KAT2B: variants seen among roughly 807,000 people sequenced by gnomAD.
The protein encoded by KAT2B is histone acetyltransferase KAT2B.
A neutral mutation model predicts 105.9 loss-of-function variants in KAT2B; 36 were observed. The observed-to-expected ratio is 0.34, with a 90% CI of 0.26 to 0.45. The LOEUF (loss-of-function observed/expected upper bound fraction) is 0.45, where lower values mean the gene tolerates loss of function less well. KAT2B is among the 20% of genes least tolerant of loss of function. KAT2B has a pLI of 1.00. For synonymous variants in KAT2B, 397 were observed against 377.9 expected (o/e 1.05, Z -0.59); for missense variants, 820 against 1,021.6 (o/e 0.80, Z 2.69).
intron 10 of KAT2B, among the ~76,000 whole-genome samples, chr3:20,126,821 CAA>C (rs754659716): frequency 7.0e-5 from 6 of 85,848 alleles, no homozygotes; most frequent in African/African-American, 8.5e-5. Context: ...AACTCCATTT[CAA>C]AAAAAAAAAA....
At chr3:20,104,321 T>C in intron 5 of KAT2B, among the ~76,000 whole-genome samples, 1 of 151,920 alleles carries the variant, frequency 6.6e-6, no homozygotes, top group Admixed American at 6.6e-5. Context: ...ATAGCCCCTA[T>C]TAATAATAAA....
At chr3:20,087,971 G>A (rs1159243673) in intron 2 of KAT2B, among the ~76,000 whole-genome samples, 1 of 151,990 alleles carries the variant, frequency 6.6e-6, no homozygotes, top group Non-Finnish European at 1.5e-5. Context: ...TGTAGAGACA[G>A]GGTCTTGCCA....
chr3:20,087,059 C>T (rs1041305563), intron 2 of KAT2B, among the ~76,000 whole-genome samples: 7 of 152,140 alleles, frequency 4.6e-5, no homozygotes, highest in Admixed American at 6.5e-5. Flanking sequence ...AGATAACAGG[C>T]GTGAGCCACT....
Position 20,040,557 on chromosome 3 carries a change from C to G in KAT2B, c.80C>G (p.Pro27Arg), listed in dbSNP as rs1227332251. Residue 27 changes from proline (P) to arginine (R), a missense_variant, in exon 1 of 18, where the codon CCG (proline) becomes CGG (arginine). Transcript: ENST00000263754. ...GAGAGPGALP[P>R]QPAALPPAPP... ...GGGGCCGGGCCCGGGGCGCTGCCCCCGCAGCCTGCGGCGCTTCCGCCCGCG... is the reference window on the plus strand; with the variant it reads ...GGGGCCGGGCCCGGGGCGCTGCCCCGGCAGCCTGCGGCGCTTCCGCCCGCG... 1.2e-3 allele frequency: 1,290 copies of G among 1,063,948 alleles called. 1 individual carries two copies. The highest frequency in any genetic ancestry group is 1.4e-3 in the Non-Finnish European group (1,220 of 882,120). The allele number at this position is 1,063,948 out of a possible 1,614,324, so 65.9% of individuals were successfully genotyped here. A position where few individuals can be genotyped will look rare whatever the true frequency, so the allele number is the denominator to read the frequency against.
chr3:20,050,655 G>A (rs1697899878), intron 1 of KAT2B, among the ~76,000 whole-genome samples: 1 of 151,766 alleles, frequency 6.6e-6, no homozygotes, highest in African/African-American at 2.4e-5. Context: ...AACATTGCCA[G>A]CAATTTTCAG....
intron 13 of KAT2B, among the ~76,000 whole-genome samples, chr3:20,142,990 A>T (rs755066402): frequency 9.9e-5 from 15 of 151,396 alleles, no homozygotes; most frequent in South Asian, 2.1e-4. Flanking sequence ...TCTACATGTG[A>T]CAATACAAGG....
chr3:20,078,938 G>A (rs1224555164), intron 2 of KAT2B, among the ~76,000 whole-genome samples: 8 of 148,624 alleles, frequency 5.4e-5, no homozygotes, highest in Non-Finnish European at 1.0e-4. Context: ...GCAGTGGCGC[G>A]ATCTCCACGA....
chr3:20,093,513 A>G (rs1698759224), intron 2 of KAT2B, among the ~76,000 whole-genome samples: 1 of 152,114 alleles, frequency 6.6e-6, no homozygotes, highest in Non-Finnish European at 1.5e-5. Context: ...GGGGGGATAT[A>G]TAGGTGGATA....
At chr3:20,144,827 G>C (rs1211064206) in intron 13 of KAT2B, among the ~76,000 whole-genome samples, 4 of 148,048 alleles carry the variant, frequency 2.7e-5, no homozygotes, top group Admixed American at 6.8e-5. Flanking sequence ...AGGAAGTCTC[G>C]CTCTGTCACC....
At chr3:20,086,754 G>A (rs1373435115) in intron 2 of KAT2B, among the ~76,000 whole-genome samples, 1 of 151,652 alleles carries the variant, frequency 6.6e-6, no homozygotes, top group East Asian at 1.9e-4. Context: ...CCTTTAAACT[G>A]TCTTCCTCTA....
rs193025624 is a variant in KAT2B, at chr3:20,054,138, T to G, written c.303+13358T>G. On this transcript the variant is annotated intron_variant, in intron 1 of 17. Transcript: ENST00000263754. ...TTTGTTTTTGTTTTTTGTTTTTTTG[T>G]TTTTTTTTTGAGACGGTGTCTCGCT... is the stretch of plus-strand genomic sequence containing the variant. 2.6e-3 allele frequency among the ~76,000 whole-genome samples: 382 copies of G among 147,466 alleles called. 2 individuals carry two copies. The highest frequency in any genetic ancestry group is 9.0e-3 in the African/African-American group (355 of 39,398).
At chr3:20,109,713 T>G (rs1446887505) in intron 5 of KAT2B, among the ~76,000 whole-genome samples, 2 of 152,166 alleles carry the variant, frequency 1.3e-5, no homozygotes, top group South Asian at 2.1e-4. Flanking sequence ...ATGAAGCACC[T>G]TATGAATTAC....
chr3:20,146,671 A>C, intron 14 of KAT2B: 1 of 192,486 alleles, frequency 5.2e-6, no homozygotes. Context: ...CCACCACTTA[A>C]TGAGTCTGCC....
intron 8 of KAT2B, among the ~76,000 whole-genome samples, chr3:20,120,213 C>CTT (rs10709834): frequency 1.4e-5 from 2 of 148,088 alleles, no homozygotes; most frequent in Admixed American, 1.4e-4. Flanking sequence ...CTGCCACATT[C>CTT]TTTTTTTTTT....
chr3:20,051,369 C>A (rs1013160792), intron 1 of KAT2B, among the ~76,000 whole-genome samples: 2 of 152,156 alleles, frequency 1.3e-5, no homozygotes, highest in African/African-American at 4.8e-5. Flanking sequence ...AGCTCCTTCT[C>A]CCCTGGAGTC....
chr3:20,083,424 T>G (rs1157586147), intron 2 of KAT2B, among the ~76,000 whole-genome samples: 1 of 152,200 alleles, frequency 6.6e-6, no homozygotes, highest in Non-Finnish European at 1.5e-5. Flanking sequence ...TTAATATGAA[T>G]TGATTGTCAG....
chr3:20,060,429 C>T (rs901251898), intron 1 of KAT2B, among the ~76,000 whole-genome samples: 9 of 152,094 alleles, frequency 5.9e-5, no homozygotes, highest in Non-Finnish European at 1.3e-4. Context: ...GGGAGAAACC[C>T]TGTCTCTACT....
intron 7 of KAT2B, among the ~76,000 whole-genome samples, chr3:20,115,867 T>C (rs1699198764): frequency 6.6e-6 from 1 of 152,176 alleles, no homozygotes; most frequent in Non-Finnish European, 1.5e-5. Flanking sequence ...TGGAATCATA[T>C]AGTAGATAGC....
intron 5 of KAT2B, among the ~76,000 whole-genome samples, chr3:20,106,454 C>CAT (rs926011885): frequency 6.6e-6 from 1 of 151,744 alleles, no homozygotes; most frequent in African/African-American, 2.4e-5. Context: ...CACACACACA[C>CAT]ACACACACAC....
Sources: allele counts gnomAD v4.1 joint callset (sites outside exome capture counted in the v4.1 genomes callset), GRCh38; gene constraint gnomAD v4.1.1; transcripts MANE v1.5; gene names NCBI Gene and HGNC (gene_info 2026-07-23, HGNC 2026-07-21).